Variants in ARHGEF3 observed in about 807,000 individuals in gnomAD.
The protein encoded by ARHGEF3 is Rho guanine nucleotide exchange factor 3.
A neutral mutation model predicts 63.2 loss-of-function variants in ARHGEF3; 28 were observed. That is an observed-to-expected ratio of 0.44 (90% confidence interval 0.33 to 0.61). The LOEUF (loss-of-function observed/expected upper bound fraction) is 0.61. Ranked by LOEUF, ARHGEF3 falls within the 20% of genes least tolerant of loss-of-function variation. The pLI, the probability that ARHGEF3 is intolerant of heterozygous loss-of-function variation, is 0.03. For synonymous variants in ARHGEF3, 266 were observed against 254.2 expected (o/e 1.05, Z -0.44); for missense variants, 533 against 659.3 (o/e 0.81, Z 2.10).
intron 3 of ARHGEF3, among the ~76,000 whole-genome samples, chr3:56,929,460 C>T (rs1427712809): frequency 6.6e-6 from 1 of 152,202 alleles, no homozygotes; most frequent in African/African-American, 2.4e-5. Flanking sequence ...GTTTCTCAAA[C>T]TTTAATGTGC....
chr3:56,737,466 G>T, intron 7 of ARHGEF3, 111 bp from the exon 8 acceptor site: 22 of 688,752 alleles, frequency 3.2e-5, no homozygotes, highest in Middle Eastern at 4.4e-4. Flanking sequence ...ATCTAACTCT[G>T]TTATCTAAGT....
At chr3:56,804,725 A>G (rs533223467), upstream of ARHGEF3, among the ~76,000 whole-genome samples, 1 of 152,302 alleles carries the variant, frequency 6.6e-6, no homozygotes, top group East Asian at 1.9e-4. Context: ...GATTTTTCCT[A>G]TTTGTATTCC....
chr3:56,834,168 T>G (rs566503160), intron 4 of ARHGEF3, among the ~76,000 whole-genome samples: 3 of 152,028 alleles, frequency 2.0e-5, no homozygotes, highest in Admixed American at 6.6e-5. Flanking sequence ...CTCCCAAAAT[T>G]CTCGGATTAC....
In ARHGEF3 at chr3:56,952,475, TCC is replaced by T. The variant is rs574800744; in HGVS notation, c.129+6346_129+6347del. Among the ~76,000 whole-genome samples the T allele has an allele frequency of 4.6e-3, 701 of 152,318 alleles. 6 individuals carry two copies. Among genetic ancestry groups the T allele is most frequent in the African/African-American group, 0.016 (653 of 41,576 alleles). On this transcript the variant is annotated intron_variant, in intron 3 of 12. Transcript: ENST00000338458. The stretch of plus-strand genomic sequence containing the variant: ...ACTTACACCATGCCCTAACTTCTAA[TCC>T]ACAGAACTCCAAGCTAGTGAACAAC...
intron 2 of ARHGEF3, among the ~76,000 whole-genome samples, chr3:57,024,729 C>T (rs1227024809): frequency 1.3e-5 from 2 of 152,174 alleles, no homozygotes; most frequent in African/African-American, 2.4e-5. Context: ...CCTCATGATC[C>T]GCCCGCCTCG....
intron 2 of ARHGEF3, among the ~76,000 whole-genome samples, chr3:57,008,365 C>A (rs975767134): frequency 1.3e-5 from 2 of 152,050 alleles, no homozygotes; most frequent in African/African-American, 4.8e-5. Flanking sequence ...ACCCCTTTAC[C>A]TGCAATAAAA....
At chr3:57,065,192 C>G (rs900966002) in intron 1 of ARHGEF3, among the ~76,000 whole-genome samples, 2 of 152,130 alleles carry the variant, frequency 1.3e-5, no homozygotes, top group East Asian at 1.9e-4. Context: ...CAGTGGCTCA[C>G]GCCTCACGCC....
intron 2 of ARHGEF3, among the ~76,000 whole-genome samples, chr3:56,995,283 G>C (rs1317909216): frequency 6.6e-6 from 1 of 152,028 alleles, no homozygotes; most frequent in Non-Finnish European, 1.5e-5. Flanking sequence ...CAGTGAAGAG[G>C]CATCTTGTCC....
chr3:56,830,320 T>C (rs1389656746), intron 4 of ARHGEF3, among the ~76,000 whole-genome samples: 1 of 152,068 alleles, frequency 6.6e-6, no homozygotes, highest in East Asian at 1.9e-4. Flanking sequence ...ACTACAACCT[T>C]GGCCCGTGTG....
chr3:56,837,451 A>G (rs2039154478), intron 4 of ARHGEF3, among the ~76,000 whole-genome samples: 1 of 152,178 alleles, frequency 6.6e-6, no homozygotes, highest in Non-Finnish European at 1.5e-5. Context: ...TGGCTAGAAA[A>G]CTTGCCAAGA....
intron 4 of ARHGEF3, among the ~76,000 whole-genome samples, chr3:56,838,809 G>A (rs938685280): frequency 1.3e-5 from 2 of 152,084 alleles, no homozygotes; most frequent in African/African-American, 2.4e-5. Context: ...TGGTCATTGT[G>A]TGTCATTTAA....
intron 1 of ARHGEF3, among the ~76,000 whole-genome samples, chr3:57,067,777 C>T (rs1178443181): frequency 2.0e-5 from 3 of 149,808 alleles, no homozygotes; most frequent in African/African-American, 7.4e-5. Context: ...GTCAGGAGAT[C>T]GAGACCATTG....
chr3:56,993,182 A>G (rs1447956206), intron 2 of ARHGEF3, among the ~76,000 whole-genome samples: 2 of 152,140 alleles, frequency 1.3e-5, no homozygotes, highest in Non-Finnish European at 2.9e-5. Context: ...TTTCCACTGA[A>G]AACATCATTC....
chr3:56,766,401 C>T (rs1366168769), intron 2 of ARHGEF3, among the ~76,000 whole-genome samples: 5 of 152,184 alleles, frequency 3.3e-5, no homozygotes, highest in Admixed American at 2.6e-4. Flanking sequence ...GGGGCTACAA[C>T]TGGGGGAGGG....
intron 2 of ARHGEF3, among the ~76,000 whole-genome samples, chr3:57,012,743 C>T (rs947752595): frequency 6.6e-6 from 1 of 152,218 alleles, no homozygotes; most frequent in African/African-American, 2.4e-5. Context: ...AGCCGTTGCT[C>T]GCTCTTGGTG....
intron 3 of ARHGEF3, among the ~76,000 whole-genome samples, chr3:56,932,585 T>G (rs1311115821): frequency 1.3e-5 from 2 of 152,234 alleles, no homozygotes; most frequent in East Asian, 3.8e-4. Flanking sequence ...TCATTGTAAC[T>G]GCTGCAGCAC....
chr3:56,790,917 T>C (rs2037047861), intron 1 of ARHGEF3, among the ~76,000 whole-genome samples: 1 of 152,204 alleles, frequency 6.6e-6, no homozygotes, highest in Non-Finnish European at 1.5e-5. Flanking sequence ...ACCTTTCTTT[T>C]TTCCTTTTCA....
intron 1 of ARHGEF3, chr3:56,774,937 C>A (rs2036211032): frequency 1.2e-5 from 15 of 1,215,058 alleles, no homozygotes; most frequent in South Asian, 1.8e-5. Flanking sequence ...AAAAAAAAAA[C>A]AGGCTATGGG....
chr3:57,024,736 C>A (rs1703402859), intron 2 of ARHGEF3, among the ~76,000 whole-genome samples: 1 of 152,216 alleles, frequency 6.6e-6, no homozygotes, highest in Non-Finnish European at 1.5e-5. Flanking sequence ...ATCCGCCCGC[C>A]TCGGCCTCCC....
Sources: gnomAD v4.1 joint callset for allele counts (sites outside exome capture counted in the v4.1 genomes callset) on GRCh38, gnomAD v4.1.1 for gene constraint, MANE v1.5 for transcripts, NCBI Gene and HGNC (gene_info 2026-07-23, HGNC 2026-07-21) for gene names.